The following FAM53A variants were observed in gnomAD, a reference collection of about 807,000 sequenced individuals.
FAM53A encodes the protein family with sequence similarity 53 member A, also known as protein FAM53A.
Under a neutral mutation model 26.6 loss-of-function variants are expected in FAM53A, and 28 were observed. The observed-to-expected ratio is 1.05, with a 90% confidence interval of 0.78 to 1.45. The LOEUF is 1.45. FAM53A is among the 40% of genes most tolerant of loss of function. The pLI is 0.00. For synonymous variants in FAM53A, 290 were observed against 253.1 expected, an observed-to-expected ratio of 1.15 and a Z score of -1.38; for missense variants, 650 against 575.8, an observed-to-expected ratio of 1.13 and a Z score of -1.32.
chr4:1,595,687 G>A, the FAM53A span, among the ~76,000 whole-genome samples: 5 of 152,352 alleles, frequency 3.3e-5, no homozygotes, highest in Admixed American at 6.5e-5. Context: ...CGCGGGAAGC[G>A]CCAGCACACA....
intron 4 of FAM53A, among the ~76,000 whole-genome samples, chr4:1,648,289 A>C (rs1367536787): frequency 1.3e-5 from 2 of 152,170 alleles, no homozygotes; most frequent in African/African-American, 4.8e-5. Flanking sequence ...CCACATATTC[A>C]GGTGATGCGG....
chr4:1,586,441 C>T, the FAM53A span, among the ~76,000 whole-genome samples: 1 of 152,058 alleles, frequency 6.6e-6, no homozygotes, highest in East Asian at 1.9e-4. Context: ...GTGGTCCACC[C>T]CCCCAGCCAT....
chr4:1,666,260 G>C (rs1714222230), intron 2 of FAM53A, among the ~76,000 whole-genome samples: 1 of 127,808 alleles, frequency 7.8e-6, no homozygotes, highest in South Asian at 2.7e-4. Flanking sequence ...TGCACACCCT[G>C]TATCTAAAAT....
chr4:1,677,677 C>A (rs574004701), intron 1 of FAM53A, among the ~76,000 whole-genome samples: 1 of 152,206 alleles, frequency 6.6e-6, no homozygotes, highest in Non-Finnish European at 1.5e-5. Context: ...GCTGTCAACA[C>A]GCTGTCTCAC....
downstream of FAM53A, among the ~76,000 whole-genome samples, chr4:1,616,102 G>A (rs1219602153): frequency 6.6e-6 from 1 of 152,194 alleles, no homozygotes; most frequent in Non-Finnish European, 1.5e-5. Flanking sequence ...TCTGGTGCAG[G>A]AAATCAAGAC....
At chr4:1,578,665 C>T in the FAM53A span, among the ~76,000 whole-genome samples, 1 of 149,884 alleles carries the variant, frequency 6.7e-6, no homozygotes, top group Admixed American at 6.6e-5. Flanking sequence ...CCCCCCTACC[C>T]CGAACCGCCC....
chr4:1,635,253 G>T (rs1715789224), downstream of FAM53A, among the ~76,000 whole-genome samples: 1 of 152,068 alleles, frequency 6.6e-6, no homozygotes, highest in African/African-American at 2.4e-5. Context: ...TGGCTTTGTT[G>T]TCAGTTTCAT....
At position 1,630,392 on chromosome 4, in the gene FAM53A, C is replaced by T. The variant is rs1357354354; in HGVS notation, c.432-12281G>A. Among the ~76,000 whole-genome samples, 2 of 152,378 alleles carry T rather than the reference C, an allele frequency of 1.3e-5. No homozygotes were observed. Among genetic ancestry groups the T allele is most frequent in the South Asian group, 2.1e-4 (1 of 4,834 alleles). On this transcript the variant is annotated intron_variant, in intron 1 of 1. Transcript: ENST00000489029. This position sits in a 1 kb window ranked among gnomAD's most constrained non-coding sequence, Gnocchi z 4.3. Reference sequence around the variant, plus strand: ...CACAGCCAAGGTCTACACAAATGCACGTCGGGGAGTTCCCATCAAACTCTA... The same window carrying T: ...CACAGCCAAGGTCTACACAAATGCATGTCGGGGAGTTCCCATCAAACTCTA...
downstream of FAM53A, among the ~76,000 whole-genome samples, chr4:1,614,446 A>G (rs62286193): frequency 0.37 from 20,474 of 54,954 alleles, 4,399 homozygotes; most frequent in Admixed American, 0.46. Context: ...ATGCAGAGAC[A>G]TGAGGGGCAT....
intron 4 of FAM53A, among the ~76,000 whole-genome samples, chr4:1,650,355 T>G (rs1712663760): frequency 6.3e-5 from 8 of 126,950 alleles, no homozygotes; most frequent in South Asian, 2.7e-4. Flanking sequence ...AGGCGTGGTG[T>G]TTGACTGTGA....
the FAM53A span, among the ~76,000 whole-genome samples, chr4:1,607,707 G>A: frequency 5.3e-5 from 8 of 152,162 alleles, no homozygotes; most frequent in South Asian, 2.1e-4. Flanking sequence ...TTGGGAGGCC[G>A]AGGTGGGCGG....
chr4:1,639,337 C>T (rs1003037101), downstream of FAM53A, among the ~76,000 whole-genome samples: 1 of 152,202 alleles, frequency 6.6e-6, no homozygotes, highest in Non-Finnish European at 1.5e-5. Flanking sequence ...TGCTAAACCA[C>T]CCGGAGCTGA....
chr4:1,583,103 A>G, the FAM53A span, among the ~76,000 whole-genome samples: 2 of 152,330 alleles, frequency 1.3e-5, no homozygotes, highest in African/African-American at 4.8e-5. Flanking sequence ...GGCAATGTCC[A>G]GTTGTCCTGG....
Position 1,655,465 on chromosome 4 carries a change from C to G in FAM53A, c.395G>C (p.Arg132Pro). 6.4e-7 allele frequency: 1 copy of G among 1,562,672 alleles called. No individual in the cohort carries two copies. The highest frequency in any genetic ancestry group is 8.7e-7 in the Non-Finnish European group (1 of 1,152,492). Residue 132 changes from arginine to proline, a missense_variant, in exon 4 of 5, where the codon CGC becomes CCC. By Grantham distance (103) the Arg-to-Pro change is moderately radical (BLOSUM62 -2). Coordinates refer to ENST00000308132, the MANE Select transcript of FAM53A (RefSeq NM_001174070.3). The stretch of plus-strand genomic sequence containing the variant: ...GCCGGGGCGCCAGGGGGACCGGCAG[C>G]GCACAAGCTCCTCGGGTTCTGACAA... ...RSLSEPEELV[R>P]CRSPWRPGSS...
In FAM53A at chr4:1,655,999, G is replaced by A. The variant is rs150596689; in HGVS notation, c.137-276C>T. On this transcript the variant is annotated intron_variant, in intron 3 of 4. Transcript: ENST00000308132. ...CACCGGTGCCTCCCTGAGAACAACC[G>A]CACGGCTCTGCTCTCCCGACAGCTT... 4.4e-3 allele frequency among the ~76,000 whole-genome samples: 676 copies of A among 152,102 alleles called. 3 individuals are homozygous for A. Among genetic ancestry groups the A allele is most frequent in the Non-Finnish European group, 4.6e-3 (315 of 68,014 alleles).
At chr4:1,652,263 A>G (rs1712902370) in intron 4 of FAM53A, among the ~76,000 whole-genome samples, 1 of 145,164 alleles carries the variant, frequency 6.9e-6, no homozygotes, top group African/African-American at 2.6e-5. Context: ...CACACGCCAG[A>G]CACCGCATAC....
chr4:1,627,887 G>A (rs1209203969), intron 1 of FAM53A, among the ~76,000 whole-genome samples: 5 of 151,904 alleles, frequency 3.3e-5, no homozygotes, highest in African/African-American at 1.2e-4. Flanking sequence ...GACTCTGGGA[G>A]AGACAGGCTC....
At chr4:1,595,771 GCACC>G in the FAM53A span, among the ~76,000 whole-genome samples, 17 of 152,342 alleles carry the variant, frequency 1.1e-4, no homozygotes, top group Non-Finnish European at 2.4e-4. Context: ...CTCAGTCCAG[GCACC>G]AGCTCTGATG....
the FAM53A span, among the ~76,000 whole-genome samples, chr4:1,576,808 C>T: frequency 3.3e-5 from 5 of 152,178 alleles, no homozygotes; most frequent in South Asian, 2.1e-4. Context: ...GGGGCTGTGG[C>T]GGAAGCCCGG....
Sources: gnomAD v4.1 joint callset for allele counts (sites outside exome capture counted in the v4.1 genomes callset) on GRCh38, gnomAD v4.1.1 for gene constraint, Gnocchi (gnomAD v3.1) non-coding constraint, MANE v1.5 for transcripts, NCBI Gene and HGNC (gene_info 2026-07-23, HGNC 2026-07-21) for gene names.